OAT: variants seen among roughly 807,000 people sequenced by gnomAD.
OAT encodes the protein ornithine aminotransferase, mitochondrial.
A neutral mutation model predicts 48.4 loss-of-function variants in OAT; 35 were observed. That is an observed-to-expected ratio of 0.72 (90% confidence interval 0.55 to 0.96). OAT has a LOEUF of 0.96. Ranked by LOEUF, OAT falls within the 40% of genes least tolerant of loss-of-function variation. OAT has a pLI of 0.00. For synonymous variants in OAT, 182 were observed against 198.4 expected, an observed-to-expected ratio of 0.92 and a Z score of 0.70; for missense variants, 438 against 537.9, an observed-to-expected ratio of 0.81 and a Z score of 1.84.
chr10:124,408,343 A>ATATTT (rs1434453635), intron 4 of OAT, among the ~76,000 whole-genome samples, 199 bp downstream of exon 4: 1 of 83,830 alleles, frequency 1.2e-5, no homozygotes, highest in South Asian at 4.7e-4. Flanking sequence ...ATATATATAT[A>ATATTT]TTTTTTTTTT....
At chr10:124,411,915 ATT>A in intron 2 of OAT, 56 bp downstream of exon 2, 1 of 1,497,300 alleles carries the variant, frequency 6.7e-7, no homozygotes, top group Non-Finnish European at 9.3e-7. Context: ...TATGGAAGCA[ATT>A]TTTTTTTATA....
chr10:124,402,195 C>T (rs1443655941), intron 7 of OAT, among the ~76,000 whole-genome samples: 9 of 152,132 alleles, frequency 5.9e-5, no homozygotes, highest in Non-Finnish European at 1.2e-4. Context: ...CCACCACACC[C>T]GGCCAAGAAA....
At position 124,403,871 on chromosome 10, in the gene OAT, T is replaced by C. The variant is rs386833615; in HGVS notation, c.698A>G (p.Gln233Arg). ...CGGAACAACAACGCCTGCTTCACCC[T>C]GAATTGGTTCTACCATGAACGCAGC... ...NVAAFMVEPI[Q>R]GEAGVVVPDP... The change falls in exon 6 of 10, where the codon CAG becomes CGG. Residue 233 changes from glutamine (Q) to arginine (R), a missense_variant. Physicochemically the swap from Gln to Arg is conservative, Grantham distance 43 (BLOSUM62 1). Coordinates refer to ENST00000368845, the MANE Select transcript of OAT (RefSeq NM_000274.4). 6 of 1,613,992 alleles carry C rather than the reference T, an allele frequency of 3.7e-6. No homozygotes were observed. In the Admixed American group the frequency reaches 1.0e-4, roughly 27 times the overall value.
intron 1 of OAT, chr10:124,414,056 A>G (rs1479305419): frequency 1.3e-5 from 2 of 152,092 alleles, no homozygotes; most frequent in African/African-American, 4.8e-5. Context: ...AAGCTTAAAG[A>G]TAAATTCATG....
At chr10:124,411,054 C>T (rs145447881) in intron 2 of OAT, among the ~76,000 whole-genome samples, 1,842 of 138,926 alleles carry the variant, frequency 0.013, 38 homozygotes, top group African/African-American at 0.043. Flanking sequence ...GCAAGAGAAT[C>T]ACTTGAAACC....
At chr10:124,408,413 A>G in intron 4 of OAT, 129 bp downstream of exon 4, 1 of 685,162 alleles carries the variant, frequency 1.5e-6, no homozygotes, top group Non-Finnish European at 2.6e-6. Flanking sequence ...CTTGAACTCC[A>G]GGGCTCAAAG....
intron 2 of OAT, among the ~76,000 whole-genome samples, 152 bp downstream of exon 2, chr10:124,411,815 CAAAAAA>C (rs60176788): frequency 3.7e-5 from 4 of 107,588 alleles, no homozygotes; most frequent in Non-Finnish European, 5.9e-5. Context: ...GACTCCGTCT[CAAAAAA>C]AAAAAAAAAA....
intron 4 of OAT, among the ~76,000 whole-genome samples, chr10:124,407,738 G>C (rs1360322934): frequency 6.6e-6 from 1 of 152,076 alleles, no homozygotes. Context: ...AAAAAATAAA[G>C]CTTAAAAAAC....
chr10:124,404,768 G>T (rs1472049032), intron 5 of OAT, among the ~76,000 whole-genome samples: 1 of 152,160 alleles, frequency 6.6e-6, no homozygotes, highest in Non-Finnish European at 1.5e-5. Context: ...ATCTGGCTGG[G>T]CACAGTGGCT....
chr10:124,416,406 C>T (rs577520757), intron 1 of OAT, among the ~76,000 whole-genome samples: 3 of 152,292 alleles, frequency 2.0e-5, no homozygotes, highest in African/African-American at 7.2e-5. Context: ...CACTCTCTGA[C>T]CTCATCTAGA....
At chr10:124,399,610 G>T (rs544224847) in intron 9 of OAT, among the ~76,000 whole-genome samples, 99 of 152,036 alleles carry the variant, frequency 6.5e-4, no homozygotes, top group African/African-American at 2.3e-3. Flanking sequence ...CTCCCAAAGT[G>T]CTGGGATTAC....
chr10:124,400,005 G>A (rs1951354960), intron 9 of OAT, among the ~76,000 whole-genome samples: 2 of 152,132 alleles, frequency 1.3e-5, no homozygotes, highest in Non-Finnish European at 2.9e-5. Context: ...AAAGGAACAA[G>A]GGTCAAATTG....
chr10:124,401,685 G>T, intron 8 of OAT, 41 bp downstream of exon 8: 1 of 1,322,828 alleles, frequency 7.6e-7, no homozygotes, highest in South Asian at 1.2e-5. Context: ...CTTCAACATT[G>T]CTTTAAAGAA....
At chr10:124,407,384 C>A in intron 4 of OAT, 2 of 985,084 alleles carry the variant, frequency 2.0e-6, no homozygotes, top group Admixed American at 6.1e-5. Flanking sequence ...CATCTTTGCA[C>A]CCTTTGCTAT....
Position 124,402,933 on chromosome 10 carries a change from T to G in OAT, c.894A>C (p.Leu298Phe), listed in dbSNP as rs1214236703. Reference sequence around the variant, plus strand: ...GGGGGAACATGAAACTTACAGGGTATAAGCCCCCAGAAAGGGCCTTTCCAA... The same window carrying G: ...GGGGGAACATGAAACTTACAGGGTAGAAGCCCCCAGAAAGGGCCTTTCCAA... ...VLLGKALSGG[L>F]YPVSAVLCDD... Residue 298 changes from leucine (L) to phenylalanine (F), a missense_variant, in exon 7 of 10, where the codon TTA becomes TTC. Physicochemically the swap from Leu to Phe is conservative, Grantham distance 22. Transcript: ENST00000368845. 1 of 1,613,738 alleles carries G rather than the reference T, an allele frequency of 6.2e-7. No homozygotes were observed. Among genetic ancestry groups the G allele is most frequent in the Non-Finnish European group, 8.5e-7 (1 of 1,179,974 alleles).
chr10:124,399,933 C>G (rs2032397697), intron 9 of OAT, among the ~76,000 whole-genome samples: 1 of 152,044 alleles, frequency 6.6e-6, no homozygotes, highest in Admixed American at 6.5e-5. Flanking sequence ...GACTCACCAA[C>G]AAAAAAACTT....
At chr10:124,398,553 T>C (rs1457550662) in intron 9 of OAT, among the ~76,000 whole-genome samples, 1 of 151,542 alleles carries the variant, frequency 6.6e-6, no homozygotes, top group Non-Finnish European at 1.5e-5. Flanking sequence ...GCTTTGTTTT[T>C]ACTCCTAAAA....
In OAT at chr10:124,397,785, C is replaced by A. The variant is rs778411980; in HGVS notation, c.*157G>T. 1 of 716,364 alleles carries A rather than the reference C, an allele frequency of 1.4e-6. No individual in the cohort carries two copies. Among genetic ancestry groups the A allele is most frequent in the Admixed American group, 2.6e-5 (1 of 39,076 alleles). The allele number at this position is 716,364 out of a possible 1,614,324, so 44.4% of individuals were successfully genotyped here. A position where few individuals can be genotyped will look rare whatever the true frequency, so the allele number is the denominator to read the frequency against. ...ACAAAGCAAACGGCAGGTTCATAAA[C>A]GTTGTTCTATTATGTATCAACTGAA... On this transcript the variant is annotated 3_prime_UTR_variant, in exon 10 of 10. Coordinates refer to ENST00000368845, the MANE Select transcript of OAT (RefSeq NM_000274.4).
At chr10:124,406,600 G>T (rs972223334) in intron 4 of OAT, among the ~76,000 whole-genome samples, 32 of 151,982 alleles carry the variant, frequency 2.1e-4, no homozygotes, top group African/African-American at 7.7e-4. Context: ...CAGAACACAT[G>T]AGGTCAGGAG....
Sources: allele counts gnomAD v4.1 joint callset (sites outside exome capture counted in the v4.1 genomes callset), GRCh38; gene constraint gnomAD v4.1.1; transcripts MANE v1.5; gene names NCBI Gene and HGNC (gene_info 2026-07-23, HGNC 2026-07-21).